AMZ2: variants seen among roughly 807,000 people sequenced by gnomAD.
AMZ2 encodes archaelysin family metallopeptidase 2.
AMZ2 carries 26 observed loss-of-function variants against 36.7 expected under a neutral mutation model. That is an observed-to-expected ratio of 0.71 (90% CI 0.52 to 0.98). The LOEUF (loss-of-function observed/expected upper bound fraction) is 0.98, where lower values mean the gene tolerates loss of function less well. Among genes scored for constraint, AMZ2 ranks in the 50% least tolerant of loss-of-function variants. The probability of loss-of-function intolerance (pLI) is 0.00; values close to 1 mark genes in which losing one functional copy is unlikely to be tolerated. For synonymous variants in AMZ2, 144 were observed against 149.1 expected (o/e 0.97, Z 0.25); for missense variants, 394 against 430.5 (o/e 0.92, Z 0.75).
At chr17:68,243,878 C>T (rs1461042124), upstream of AMZ2, among the ~76,000 whole-genome samples, 1 of 152,180 alleles carries the variant, frequency 6.6e-6, no homozygotes, top group South Asian at 2.1e-4. Flanking sequence ...AATAACAATA[C>T]TACAGTGAAG....
intron 1 of AMZ2, among the ~76,000 whole-genome samples, chr17:68,231,154 C>T (rs1278778827): frequency 6.6e-6 from 1 of 151,892 alleles, no homozygotes; most frequent in East Asian, 1.9e-4. Flanking sequence ...GCCTGGACCT[C>T]CTGGGCTCAA....
At chr17:68,250,621 T>C in intron 2 of AMZ2, 151 bp downstream of exon 2, 1 of 1,238,634 alleles carries the variant, frequency 8.1e-7, no homozygotes, top group Admixed American at 2.5e-5. Flanking sequence ...CCAAACTGAC[T>C]TAAAAGATAA....
chr17:68,216,687 C>T (rs61565288), intron 1 of AMZ2, among the ~76,000 whole-genome samples: 1,607 of 152,196 alleles, frequency 0.011, 25 homozygotes, highest in African/African-American at 0.037. Flanking sequence ...GCTTATAACT[C>T]GAGGAGAAAG....
At chr17:68,216,237 T>C (rs1181262870) in intron 1 of AMZ2, among the ~76,000 whole-genome samples, 4 of 152,256 alleles carry the variant, frequency 2.6e-5, no homozygotes, top group East Asian at 3.9e-4. Context: ...AGGCTCAGGC[T>C]GTCCTCTCAC....
intron 4 of AMZ2, among the ~76,000 whole-genome samples, chr17:68,251,640 C>T (rs1316806372): frequency 6.6e-6 from 1 of 151,842 alleles, no homozygotes; most frequent in South Asian, 2.1e-4. Context: ...GCACTCCAGC[C>T]TGGGCAATAA....
rs528072357 is a variant in AMZ2, at chr17:68,253,606, G to A, written c.587-798G>A. On this transcript the variant is annotated intron_variant, in intron 4 of 6. Transcript: ENST00000359904. The stretch of plus-strand genomic sequence containing the variant: ...GGACGAGGTTATTCTGTCAAAAGCC[G>A]TGGTTTAAAGCATGGGCTTCAAGAC... Among the ~76,000 whole-genome samples, 11 of 152,258 alleles carry A rather than the reference G, an allele frequency of 7.2e-5. 1 individual carries two copies. In the East Asian group the frequency reaches 1.3e-3, roughly 19 times the overall value.
At chr17:68,245,402 T>A, upstream of AMZ2, among the ~76,000 whole-genome samples, 1 of 111,442 alleles carries the variant, frequency 9.0e-6, no homozygotes, top group South Asian at 2.6e-4. Context: ...TACACCTGGC[T>A]TTTTTTTTTT....
In AMZ2 at chr17:68,256,847, G is replaced by A; in HGVS notation, c.961G>A (p.Asp321Asn). 1 of 1,613,808 alleles carries A rather than the reference G, an allele frequency of 6.2e-7. No individual in the cohort carries two copies. The highest frequency in any genetic ancestry group is 2.2e-5 in the East Asian group (1 of 44,866). Residue 321 changes from aspartate (D) to asparagine (N), a missense_variant, in exon 7 of 7, where the codon GAC becomes AAC. Transcript: ENST00000359904. The stretch of plus-strand genomic sequence containing the variant: ...GAGGTGGATTGATGATGAATCTTCT[G>A]ACACACCTGGAGCAACTCCAGAACA... ...LVRWIDDESS[D>N]TPGATPEHSH... is the part of the protein sequence containing the mutation.
intron 1 of AMZ2, among the ~76,000 whole-genome samples, chr17:68,210,549 G>T (rs1387484047): frequency 6.6e-6 from 1 of 152,202 alleles, no homozygotes; most frequent in Non-Finnish European, 1.5e-5. Flanking sequence ...TGGGGAGTTA[G>T]TGCTTAATAG....
At chr17:68,212,128 T>C (rs2073083647) in intron 1 of AMZ2, among the ~76,000 whole-genome samples, 1 of 152,184 alleles carries the variant, frequency 6.6e-6, no homozygotes, top group Non-Finnish European at 1.5e-5. Context: ...CCCAGCACTT[T>C]GGGAGGCCAA....
intron 1 of AMZ2, among the ~76,000 whole-genome samples, chr17:68,207,891 G>A (rs1811217): frequency 6.6e-6 from 1 of 151,796 alleles, no homozygotes; most frequent in African/African-American, 2.4e-5. Flanking sequence ...GGCTGCGAGC[G>A]GTGCTTGCGG....
chr17:68,248,922 A>C (rs1397298794), intron 1 of AMZ2: 7 of 652,312 alleles, frequency 1.1e-5, no homozygotes, highest in African/African-American at 1.9e-5. Context: ...TCAATCGTCT[A>C]TCATTAAACT....
intron 1 of AMZ2, among the ~76,000 whole-genome samples, chr17:68,224,899 T>A (rs2073473720): frequency 6.6e-6 from 1 of 151,866 alleles, no homozygotes; most frequent in South Asian, 2.1e-4. Context: ...GAAACCAGGC[T>A]GGGCGTGGTG....
chr17:68,208,204 G>C (rs1174409548), intron 1 of AMZ2, among the ~76,000 whole-genome samples: 1 of 152,236 alleles, frequency 6.6e-6, no homozygotes, highest in African/African-American at 2.4e-5. Context: ...TGCGGGCACA[G>C]GGCGCGGGAC....
At chr17:68,220,953 T>C (rs1341604603) in intron 1 of AMZ2, among the ~76,000 whole-genome samples, 3 of 151,900 alleles carry the variant, frequency 2.0e-5, no homozygotes, top group Non-Finnish European at 4.4e-5. Flanking sequence ...CGGCTAATTT[T>C]TGTATTCTTT....
upstream of AMZ2, among the ~76,000 whole-genome samples, chr17:68,244,181 A>C (rs572505964): frequency 1.7e-4 from 26 of 152,358 alleles, 1 homozygote; most frequent in African/African-American, 6.3e-4. Context: ...CTGGTATTGA[A>C]AATGTCAGTA....
upstream of AMZ2, among the ~76,000 whole-genome samples, chr17:68,246,427 G>A (rs3760270): frequency 0.066 from 10,096 of 152,136 alleles, 597 homozygotes; most frequent in African/African-American, 0.14. Flanking sequence ...AAGAGGTCAA[G>A]TAGTTGACAC....
chr17:68,233,029 A>G (rs1469404385), intron 1 of AMZ2, among the ~76,000 whole-genome samples: 1 of 152,226 alleles, frequency 6.6e-6, no homozygotes, highest in South Asian at 2.1e-4. Flanking sequence ...GCAGAGGCTA[A>G]GAAGTCCAAA....
intron 1 of AMZ2, among the ~76,000 whole-genome samples, chr17:68,209,610 G>GTATA (rs71142140): frequency 2.9e-4 from 32 of 108,800 alleles, no homozygotes; most frequent in Admixed American, 1.2e-3. Flanking sequence ...GTGTGTATAT[G>GTATA]TATATATATA....
Sources: gnomAD v4.1 joint callset for allele counts (sites outside exome capture counted in the v4.1 genomes callset) on GRCh38, gnomAD v4.1.1 for gene constraint, MANE v1.5 for transcripts, NCBI Gene and HGNC (gene_info 2026-07-23, HGNC 2026-07-21) for gene names.